PDE4D: variants seen among roughly 807,000 people sequenced by gnomAD.
The protein encoded by PDE4D is 3',5'-cyclic-AMP phosphodiesterase 4D.
In PDE4D, 24 loss-of-function variants were observed where a neutral mutation model predicts 87.4. The observed-to-expected ratio is 0.27, with a 90% CI of 0.20 to 0.39. PDE4D has a LOEUF of 0.39. Among genes scored for constraint, PDE4D ranks in the 10% least tolerant of loss-of-function variants. PDE4D has a pLI of 1.00. For missense variants in PDE4D, 714 were observed against 1,041.0 expected (o/e 0.69, Z 4.32); for synonymous variants, 384 against 383.2 (o/e 1.00, Z -0.02).
chr5:59,849,929 T>A (rs1744424874), intron 1 of PDE4D, among the ~76,000 whole-genome samples: 1 of 151,998 alleles, frequency 6.6e-6, no homozygotes, highest in South Asian at 2.1e-4. Context: ...ACTATACATA[T>A]GGGCAGTTGA....
intron 1 of PDE4D, among the ~76,000 whole-genome samples, chr5:59,816,608 G>C (rs1465217360): frequency 1.3e-5 from 2 of 152,120 alleles, no homozygotes; most frequent in African/African-American, 4.8e-5. Flanking sequence ...TCGTCTTTTT[G>C]GGGATATACA....
In PDE4D at chr5:59,301,442, T is replaced by C. The variant is rs1265576711; in HGVS notation, c.456-85474A>G. On this transcript the variant is annotated intron_variant, in intron 1 of 14. Transcript: ENST00000340635. ...CAAATGGCTCTTGAATCTACACTTA[T>C]TATAGCAAATATTTTAACGTGTAGA... Among the ~76,000 whole-genome samples the C allele has an allele frequency of 3.9e-5, 6 of 152,324 alleles. No individual in the cohort carries two copies. In the East Asian group the frequency reaches 9.6e-4, roughly 24 times the overall value.
intron 1 of PDE4D, among the ~76,000 whole-genome samples, chr5:60,401,027 A>T (rs1741032161): frequency 1.3e-5 from 2 of 152,236 alleles, no homozygotes; most frequent in South Asian, 4.1e-4. Context: ...CAGTTTTTGC[A>T]AACAGGGGTA....
chr5:58,994,502 A>C (rs973003017), intron 6 of PDE4D, among the ~76,000 whole-genome samples: 2 of 151,766 alleles, frequency 1.3e-5, no homozygotes, highest in Non-Finnish European at 2.9e-5. Flanking sequence ...GATACTTGAC[A>C]AAAAAAAGTC....
Position 58,975,685 on chromosome 5 carries a change from T to C in PDE4D, c.1985A>G (p.Lys662Arg), listed in dbSNP as rs1268462480. Residue 662 changes from lysine (K) to arginine (R), a missense_variant, in exon 14 of 15, where the codon AAG becomes AGG. Transcript: ENST00000340635. This position sits in a 1 kb window ranked among gnomAD's most constrained non-coding sequence, Gnocchi z 4.2. ...TGATTTTTCCACGGAAGCATTGTGC[T>C]TGTCACACATGGGGCTTATCTCCAT... ...RGMEISPMCD[K>R]HNASVEKSQV... The C allele has an allele frequency of 1.2e-6, 2 of 1,610,794 alleles. No individual in the cohort carries two copies. Among genetic ancestry groups the C allele is most frequent in the Non-Finnish European group, 1.7e-6 (2 of 1,178,390 alleles).
chr5:59,157,090 C>A, intron 5 of PDE4D: 2 of 392,396 alleles, frequency 5.1e-6, no homozygotes, highest in Non-Finnish European at 4.5e-6. Context: ...CTTCTTTATA[C>A]TTTTTGTGAG....
chr5:60,450,454 G>T (rs1446590069), intron 1 of PDE4D, among the ~76,000 whole-genome samples: 1 of 152,034 alleles, frequency 6.6e-6, no homozygotes, highest in Non-Finnish European at 1.5e-5. Flanking sequence ...TGAAAAATAG[G>T]GGTTAGTTGT....
At chr5:60,389,193 C>G (rs929204167) in intron 1 of PDE4D, among the ~76,000 whole-genome samples, 1 of 152,092 alleles carries the variant, frequency 6.6e-6, no homozygotes, top group African/African-American at 2.4e-5. Flanking sequence ...TCTTCCTTCC[C>G]TAAGCTTACA....
chr5:59,191,018 T>C (rs184571514), intron 3 of PDE4D, among the ~76,000 whole-genome samples: 1 of 152,302 alleles, frequency 6.6e-6, no homozygotes, highest in Admixed American at 6.5e-5. Context: ...CTTAATATAC[T>C]ATGGGATTAT....
chr5:58,974,796 C>A lies in PDE4D; in HGVS notation c.2298G>T (p.Lys766Asn). Reference protein sequence around the residue: ...VEEDTSCSDSKTLCTQDSEST... With the variant: ...VEEDTSCSDSNTLCTQDSEST... ...ACTCTGAGTCTTGAGTACAAAGAGT[C>A]TTGGAGTCACTGCAGCTAGTGTCTT... The change falls in exon 15 of 15, where the codon AAG (lysine) becomes AAT (asparagine). Residue 766 changes from lysine to asparagine, a missense_variant. Lys to Asn is a moderately conservative substitution (Grantham distance 94). Around this residue, in one of 7 missense-constraint regions of PDE4D, gnomAD observed 90 missense variants for 95.3 expected, o/e 0.94. Coordinates refer to ENST00000340635, the MANE Select transcript of PDE4D (RefSeq NM_001104631.2). The A allele has an allele frequency of 6.2e-7, 1 of 1,613,704 alleles. No homozygotes were observed. Among genetic ancestry groups the A allele is most frequent in the South Asian group, 1.1e-5 (1 of 91,058 alleles).
intron 1 of PDE4D, among the ~76,000 whole-genome samples, chr5:59,728,424 C>T (rs1422346660): frequency 1.3e-5 from 2 of 152,070 alleles, no homozygotes; most frequent in Non-Finnish European, 2.9e-5. Context: ...AACAAGTAAA[C>T]ATTCTACCCT....
chr5:60,048,725 T>A (rs1194147382), intron 2 of PDE4D, among the ~76,000 whole-genome samples: 1 of 152,020 alleles, frequency 6.6e-6, no homozygotes. Context: ...GAGTTTCTGC[T>A]GAGAGATCCG....
intron 2 of PDE4D, among the ~76,000 whole-genome samples, chr5:60,175,151 T>C (rs1783802080): frequency 6.6e-6 from 1 of 152,114 alleles, no homozygotes; most frequent in African/African-American, 2.4e-5. Flanking sequence ...TCTGTTTGGG[T>C]AATTTCTACT....
At chr5:59,541,656 T>C (rs1397364120) in intron 1 of PDE4D, among the ~76,000 whole-genome samples, 1 of 152,242 alleles carries the variant, frequency 6.6e-6, no homozygotes, top group Non-Finnish European at 1.5e-5. Context: ...CATGGCCTTA[T>C]AAAAGGGCAA....
intron 1 of PDE4D, among the ~76,000 whole-genome samples, chr5:60,209,867 A>C (rs1742985816): frequency 6.6e-6 from 1 of 152,218 alleles, no homozygotes; most frequent in Non-Finnish European, 1.5e-5. Context: ...AATTCTCTGC[A>C]ATAATTATCT....
At chr5:60,365,187 T>C (rs1420925795) in intron 1 of PDE4D, among the ~76,000 whole-genome samples, 1 of 152,176 alleles carries the variant, frequency 6.6e-6, no homozygotes, top group African/African-American at 2.4e-5. Flanking sequence ...AACTGACACA[T>C]AAATACCTAA....
chr5:59,370,270 C>G (rs1462261958), intron 1 of PDE4D, among the ~76,000 whole-genome samples: 1 of 152,142 alleles, frequency 6.6e-6, no homozygotes, highest in Admixed American at 6.5e-5. Flanking sequence ...ACTAGTTTCC[C>G]TCTCCATTTG....
At chr5:60,064,342 A>G (rs1328451553) in intron 2 of PDE4D, among the ~76,000 whole-genome samples, 2 of 152,116 alleles carry the variant, frequency 1.3e-5, no homozygotes, top group Non-Finnish European at 2.9e-5. Flanking sequence ...AACAAAGAAT[A>G]GGTTAAATAC....
At chr5:59,457,410 A>C (rs969812047) in intron 1 of PDE4D, among the ~76,000 whole-genome samples, 4 of 152,250 alleles carry the variant, frequency 2.6e-5, no homozygotes, top group African/African-American at 9.6e-5. Context: ...TTAATAGACT[A>C]TAGTGTAAAC....
Sources: allele counts gnomAD v4.1 joint callset (sites outside exome capture counted in the v4.1 genomes callset), GRCh38; gene constraint gnomAD v4.1.1; regional missense constraint gnomAD v4.1.1; non-coding constraint Gnocchi (gnomAD v3.1); transcripts MANE v1.5; gene names NCBI Gene and HGNC (gene_info 2026-07-23, HGNC 2026-07-21).